ARMC9: variants seen among roughly 807,000 people sequenced by gnomAD.
ARMC9 encodes lisH domain-containing protein ARMC9.
Under a neutral mutation model 107.0 loss-of-function variants are expected in ARMC9, and 94 were observed. The ratio of observed to expected loss-of-function variants is 0.88; its 90% CI spans 0.74 to 1.04. The LOEUF (loss-of-function observed/expected upper bound fraction) is 1.04, where lower values mean the gene tolerates loss of function less well. ARMC9 is among the 50% of genes least tolerant of loss of function. The pLI, the probability that ARMC9 is intolerant of heterozygous loss-of-function variation, is 0.00. For missense variants in ARMC9, 942 were observed against 1,030.1 expected, an observed-to-expected ratio of 0.91 and a Z score of 1.17; for synonymous variants, 380 against 396.9, an observed-to-expected ratio of 0.96 and a Z score of 0.51.
chr2:231,284,416 G>A (rs538685448), intron 17 of ARMC9, among the ~76,000 whole-genome samples: 10 of 152,306 alleles, frequency 6.6e-5, no homozygotes, highest in Admixed American at 2.0e-4. Flanking sequence ...CAATAGCAGC[G>A]TAGTCCTAAC....
At chr2:231,279,192 C>T (rs371308171) in intron 16 of ARMC9, among the ~76,000 whole-genome samples, 6 of 152,306 alleles carry the variant, frequency 3.9e-5, no homozygotes, top group African/African-American at 1.2e-4. Flanking sequence ...GCTATACTAG[C>T]GTTTGCTCTC....
At chr2:231,315,413 C>T (rs2042611718) in intron 19 of ARMC9, among the ~76,000 whole-genome samples, 1 of 151,994 alleles carries the variant, frequency 6.6e-6, no homozygotes, top group Non-Finnish European at 1.5e-5. Flanking sequence ...GTGGCGCACA[C>T]CTGTAGTCCC....
intron 21 of ARMC9, among the ~76,000 whole-genome samples, chr2:231,354,812 G>A (rs1156500250): frequency 6.6e-6 from 1 of 152,216 alleles, no homozygotes; most frequent in African/African-American, 2.4e-5. Context: ...TGAAGGGGGA[G>A]CGAGGGCTCC....
rs140476680 is a variant in ARMC9, at chr2:231,229,250, G to A, written c.622+2452G>A. 2.0e-3 allele frequency among the ~76,000 whole-genome samples: 308 copies of A among 152,264 alleles called. 1 individual carries two copies. The highest frequency in any genetic ancestry group is 4.0e-3 in the Admixed American group (61 of 15,296). ...CACCCCCTTGTCCCCTCATCCTGCA[G>A]CTAAGGCTGTAATAACCAAAGGCAC... On this transcript the variant is annotated intron_variant, in intron 7 of 24. Coordinates refer to ENST00000611582, the MANE Select transcript of ARMC9 (RefSeq NM_001352754.2).
Position 231,360,969 on chromosome 2 carries a change from A to T in ARMC9, c.2261+86A>T. 7.0e-7 allele frequency: 1 copy of T among 1,438,170 alleles called. No individual in the cohort carries two copies. The highest frequency in any genetic ancestry group is 9.1e-7 in the Non-Finnish European group (1 of 1,099,744). The allele number at this position is 1,438,170 out of a possible 1,614,324, so 89.1% of individuals were successfully genotyped here. A position where few individuals can be genotyped will look rare whatever the true frequency, so the allele number is the denominator to read the frequency against. On this transcript the variant is annotated intron_variant, in intron 23 of 24. Transcript: ENST00000611582. This position sits in a 1 kb window ranked among gnomAD's most constrained non-coding sequence, Gnocchi z 4.7. Reference sequence around the variant, plus strand: ...ACGCCGGATGCAGAGCACCCAGGAGACCTGGAAGGCTCCTCTGAGGCCCAG... The same window carrying T: ...ACGCCGGATGCAGAGCACCCAGGAGTCCTGGAAGGCTCCTCTGAGGCCCAG...
chr2:231,228,242 A>G (rs555930674), intron 7 of ARMC9, among the ~76,000 whole-genome samples: 66 of 152,364 alleles, frequency 4.3e-4, no homozygotes, highest in Admixed American at 1.5e-3. Context: ...CTGACAGACC[A>G]TCCCGACTTG....
intron 7 of ARMC9, among the ~76,000 whole-genome samples, chr2:231,232,462 T>G (rs2125354248): frequency 6.6e-6 from 1 of 151,812 alleles, no homozygotes; most frequent in Middle Eastern, 3.4e-3. Flanking sequence ...TGACTTTTTT[T>G]TTTTTTGAGA....
chr2:231,331,333 A>G (rs2043718238), intron 19 of ARMC9, among the ~76,000 whole-genome samples: 1 of 152,236 alleles, frequency 6.6e-6, no homozygotes, highest in African/African-American at 2.4e-5. Flanking sequence ...TCCCAGAAGC[A>G]GAACGGTGCT....
intron 21 of ARMC9, among the ~76,000 whole-genome samples, chr2:231,346,502 T>C (rs7592969): frequency 0.2 from 30,225 of 151,994 alleles, 7,559 homozygotes; most frequent in African/African-American, 0.59. Context: ...GCCTGGGCGA[T>C]AGAGTGACAC....
chr2:231,301,877 T>A (rs2041750397), intron 19 of ARMC9, among the ~76,000 whole-genome samples: 1 of 151,910 alleles, frequency 6.6e-6, no homozygotes, highest in Non-Finnish European at 1.5e-5. Flanking sequence ...TACTCGGTAG[T>A]CTGAGGCGCA....
chr2:231,365,028 CT>C (rs1345816296), intron 23 of ARMC9, among the ~76,000 whole-genome samples: 1 of 152,166 alleles, frequency 6.6e-6, no homozygotes, highest in Non-Finnish European at 1.5e-5. Flanking sequence ...AGCTGAGCCC[CT>C]GGTGGCCTCA....
intron 14 of ARMC9, among the ~76,000 whole-genome samples, chr2:231,275,549 A>G (rs1415748563): frequency 1.3e-5 from 2 of 152,190 alleles, no homozygotes; most frequent in Non-Finnish European, 1.5e-5. Flanking sequence ...CCCTTACTCT[A>G]TAGAAATGTG....
At chr2:231,370,539 G>A (rs2045975177) in intron 24 of ARMC9, 1 of 168,938 alleles carries the variant, frequency 5.9e-6, no homozygotes, top group African/African-American at 2.4e-5. Context: ...TTCAGCCACT[G>A]TGTCCCTGCC....
intron 17 of ARMC9, among the ~76,000 whole-genome samples, chr2:231,287,621 G>A (rs571990178): frequency 7.9e-5 from 12 of 152,062 alleles, no homozygotes; most frequent in African/African-American, 2.4e-4. Context: ...AGGCTCAAGC[G>A]ATTCTCCTGC....
intron 17 of ARMC9, among the ~76,000 whole-genome samples, chr2:231,285,875 A>G (rs2040553514): frequency 6.6e-6 from 1 of 152,064 alleles, no homozygotes; most frequent in Non-Finnish European, 1.5e-5. Context: ...AAGTTTTTAG[A>G]TTGATAAAGC....
chr2:231,288,538 G>A (rs547173692), intron 17 of ARMC9: 59 of 457,258 alleles, frequency 1.3e-4, no homozygotes, highest in Admixed American at 2.4e-4. Context: ...GATAGAATGC[G>A]CTAGAGAGTT....
chr2:231,249,935 G>A (rs1424322497), intron 9 of ARMC9, among the ~76,000 whole-genome samples: 72 of 66,834 alleles, frequency 1.1e-3, no homozygotes, highest in Non-Finnish European at 2.9e-4. Context: ...CACCTCCACG[G>A]GAGGGAGACC....
intron 8 of ARMC9, among the ~76,000 whole-genome samples, chr2:231,238,045 G>A (rs1276871415): frequency 6.6e-6 from 1 of 151,800 alleles, no homozygotes; most frequent in East Asian, 1.9e-4. Context: ...CTGGTTGTGA[G>A]CTTTGCCACA....
chr2:231,270,224 C>G (rs530517684), intron 12 of ARMC9, among the ~76,000 whole-genome samples: 5 of 152,084 alleles, frequency 3.3e-5, no homozygotes, highest in African/African-American at 9.7e-5. Context: ...ACACTAACCC[C>G]CCTCTCCATT....
Sources: gnomAD v4.1 joint callset for allele counts (sites outside exome capture counted in the v4.1 genomes callset) on GRCh38, gnomAD v4.1.1 for gene constraint, Gnocchi (gnomAD v3.1) non-coding constraint, MANE v1.5 for transcripts, NCBI Gene and HGNC (gene_info 2026-07-23, HGNC 2026-07-21) for gene names.